The following SNAP91 variants were observed in gnomAD, a reference collection of about 807,000 sequenced individuals.
SNAP91 encodes clathrin coat assembly protein AP180.
A neutral mutation model predicts 100.3 loss-of-function variants in SNAP91; 27 were observed. That is an observed-to-expected ratio of 0.27 (90% CI 0.20 to 0.37). The LOEUF (loss-of-function observed/expected upper bound fraction) is 0.37. SNAP91 is among the 10% of genes least tolerant of loss of function. The pLI is 1.00. For missense variants in SNAP91, 986 were observed against 1,123.7 expected (o/e 0.88, Z 1.75); for synonymous variants, 404 against 398.6 (o/e 1.01, Z -0.16).
intron 26 of SNAP91, among the ~76,000 whole-genome samples, chr6:83,569,836 T>C (rs1244789259): frequency 2.0e-5 from 3 of 152,180 alleles, no homozygotes; most frequent in Non-Finnish European, 4.4e-5. Context: ...CCATGTAAGA[T>C]GTGACTTGCT....
chr6:83,665,079 C>T (rs756794277), intron 3 of SNAP91, among the ~76,000 whole-genome samples: 9 of 152,016 alleles, frequency 5.9e-5, no homozygotes, highest in Non-Finnish European at 1.0e-4. Context: ...TACTATTGCA[C>T]ACTTAATAGA....
intron 8 of SNAP91, among the ~76,000 whole-genome samples, chr6:83,626,377 T>G (rs546985493): frequency 1.3e-5 from 2 of 152,274 alleles, no homozygotes; most frequent in East Asian, 3.9e-4. Context: ...TAGAATAATT[T>G]CTTCTAGTTC....
At chr6:83,583,954 G>A (rs981272853) in intron 22 of SNAP91, among the ~76,000 whole-genome samples, 3 of 152,136 alleles carry the variant, frequency 2.0e-5, no homozygotes, top group Non-Finnish European at 4.4e-5. Context: ...TACAGTTCAT[G>A]ATGGCTACTT....
intron 14 of SNAP91, 40 bp from the exon 15 acceptor site, chr6:83,601,639 G>T (rs758385892): frequency 6.2e-7 from 1 of 1,605,162 alleles, no homozygotes; most frequent in African/African-American, 1.3e-5. Flanking sequence ...GAATAAATAA[G>T]AGCTAAAGTT....
At chr6:83,607,520 A>G (rs760054534) in intron 13 of SNAP91, among the ~76,000 whole-genome samples, 179 bp downstream of exon 13, 1 of 152,160 alleles carries the variant, frequency 6.6e-6, no homozygotes, top group Non-Finnish European at 1.5e-5. Flanking sequence ...TCTATAGCTT[A>G]GGTCTTTCTA....
chr6:83,646,306 G>T (rs372417983), intron 7 of SNAP91, among the ~76,000 whole-genome samples: 1 of 152,226 alleles, frequency 6.6e-6, no homozygotes, highest in East Asian at 1.9e-4. Flanking sequence ...TCATATCCAA[G>T]GTCATTTAGG....
At chr6:83,647,936 T>A (rs547750643) in intron 7 of SNAP91, among the ~76,000 whole-genome samples, 1 of 152,152 alleles carries the variant, frequency 6.6e-6, no homozygotes, top group African/African-American at 2.4e-5. Flanking sequence ...TCAGAAGGTA[T>A]CACGTGGTGA....
intron 26 of SNAP91, among the ~76,000 whole-genome samples, chr6:83,571,779 G>A (rs555250777): frequency 2.2e-4 from 34 of 152,246 alleles, no homozygotes; most frequent in Non-Finnish European, 3.1e-4. Context: ...GGGAGGGGCC[G>A]GGAGCAGAAT....
intron 8 of SNAP91, among the ~76,000 whole-genome samples, chr6:83,627,351 G>C (rs2096978603): frequency 6.6e-6 from 1 of 151,980 alleles, no homozygotes; most frequent in East Asian, 1.9e-4. Flanking sequence ...GTATCAGGAT[G>C]ACACTGGTTT....
chr6:83,556,272 A>C (rs1253604996), intron 28 of SNAP91, 27 bp from the exon 29 acceptor site: 32 of 1,177,526 alleles, frequency 2.7e-5, no homozygotes, highest in Non-Finnish European at 3.7e-5. Context: ...AGCCCCAAAG[A>C]GCAGGAATAG....
At chr6:83,569,565 C>T (rs950601377) in intron 26 of SNAP91, among the ~76,000 whole-genome samples, 29 of 152,148 alleles carry the variant, frequency 1.9e-4, no homozygotes, top group Admixed American at 8.5e-4. Flanking sequence ...GTGCTTTTCC[C>T]TTGTTCCCTT....
intron 8 of SNAP91, among the ~76,000 whole-genome samples, chr6:83,628,904 T>C (rs2097091085): frequency 1.3e-5 from 2 of 152,174 alleles, no homozygotes; most frequent in African/African-American, 4.8e-5. Context: ...TTTATTGCGT[T>C]TGCTTTTAGG....
At chr6:83,692,936 G>A (rs2099149914) in intron 2 of SNAP91, among the ~76,000 whole-genome samples, 2 of 152,028 alleles carry the variant, frequency 1.3e-5, no homozygotes, top group African/African-American at 4.8e-5. Context: ...TGGTCATGTG[G>A]TGTGTTTTTG....
At chr6:83,596,711 A>G (rs1239309026) in intron 16 of SNAP91, among the ~76,000 whole-genome samples, 1 of 152,110 alleles carries the variant, frequency 6.6e-6, no homozygotes, top group Admixed American at 6.6e-5. Flanking sequence ...ACACACTTCA[A>G]AACATCATGT....
Position 83,610,710 on chromosome 6 carries a change from AATATATAT to A in SNAP91, c.885-41_885-34del, listed in dbSNP as rs747428612. The A allele has an allele frequency of 2.9e-4, 61 of 211,540 alleles. 2 individuals carry two copies. The East Asian group carries it at 3.7e-3, about 13-fold the overall frequency. 13.1% of individuals were successfully genotyped at this position (211,540 alleles called of 1,614,324 possible). On this transcript the variant is annotated intron_variant, in intron 11 of 29. Transcript: ENST00000369694. ...GCAACATAAAAAAAAATTAAAACTGAATATATATATATATATATATATATATATATATA... is the reference window on the plus strand; with the variant it reads ...GCAACATAAAAAAAAATTAAAACTGAATATATATATATATATATATATATA...
intron 2 of SNAP91, among the ~76,000 whole-genome samples, chr6:83,681,455 A>C (rs985843862): frequency 6.6e-6 from 1 of 152,158 alleles, no homozygotes; most frequent in Non-Finnish European, 1.5e-5. Context: ...ATTTCTCTTC[A>C]ACTCTTTTCC....
chr6:83,577,166 A>T (rs1820257478), intron 24 of SNAP91, among the ~76,000 whole-genome samples: 1 of 152,164 alleles, frequency 6.6e-6, no homozygotes, highest in African/African-American at 2.4e-5. Flanking sequence ...AAAGCTGAGC[A>T]GAGTCTGGGT....
In SNAP91 at chr6:83,594,429, G is replaced by A. The variant is rs767056552; in HGVS notation, c.1377C>T (p.Ala459=). 24 of 1,552,358 alleles carry A rather than the reference G, an allele frequency of 1.5e-5. No individual in the cohort carries two copies. Among genetic ancestry groups the A allele is most frequent in the Middle Eastern group, 3.4e-4 (2 of 5,874 alleles). ...CTACAGGGGTTGGGGTAGCTGGTGCGGCGGCCCCTTCGGATGCTGCAGGGG... is the reference window on the plus strand; with the variant it reads ...CTACAGGGGTTGGGGTAGCTGGTGCAGCGGCCCCTTCGGATGCTGCAGGGG... ...GEAPAASEGA[A]APATPTPVAA... Residue 459 remains alanine (A), a synonymous_variant, in exon 17 of 30, where the codon GCC becomes GCT. Transcript: ENST00000369694.
chr6:83,573,634 C>A (rs956893466), intron 26 of SNAP91, among the ~76,000 whole-genome samples: 1 of 152,098 alleles, frequency 6.6e-6, no homozygotes, highest in African/African-American at 2.4e-5. Flanking sequence ...ACAGAGCCCT[C>A]AGAACTAATG....
Sources: gnomAD v4.1 joint callset for allele counts (sites outside exome capture counted in the v4.1 genomes callset) on GRCh38, gnomAD v4.1.1 for gene constraint, MANE v1.5 for transcripts, NCBI Gene and HGNC (gene_info 2026-07-23, HGNC 2026-07-21) for gene names.